CNTNAP2: variants seen among roughly 807,000 people sequenced by gnomAD.
The protein encoded by CNTNAP2 is contactin associated protein 2, also known as contactin-associated protein-like 2.
Under a neutral mutation model 155.2 loss-of-function variants are expected in CNTNAP2, and 98 were observed. The ratio of observed to expected loss-of-function variants is 0.63; its 90% CI spans 0.54 to 0.75. The LOEUF (loss-of-function observed/expected upper bound fraction) is 0.75, where lower values mean the gene tolerates loss of function less well. Ranked by LOEUF, CNTNAP2 falls within the 30% of genes least tolerant of loss-of-function variation. CNTNAP2 has a pLI of 0.00. For synonymous variants in CNTNAP2, 651 were observed against 631.2 expected, an observed-to-expected ratio of 1.03 and a Z score of -0.47; for missense variants, 1,727 against 1,688.1, an observed-to-expected ratio of 1.02 and a Z score of -0.40.
chr7:147,872,709 A>T (rs530526961), intron 13 of CNTNAP2, among the ~76,000 whole-genome samples: 1 of 152,318 alleles, frequency 6.6e-6, no homozygotes, highest in Non-Finnish European at 1.5e-5. Context: ...TAGAAAAAAA[A>T]CCTTTATCCA....
intron 14 of CNTNAP2, among the ~76,000 whole-genome samples, chr7:147,951,600 A>G (rs1300856369): frequency 6.6e-6 from 1 of 152,224 alleles, no homozygotes; most frequent in Non-Finnish European, 1.5e-5. Flanking sequence ...AAGAATTCTA[A>G]TAGAAAGTGT....
chr7:147,181,526 C>T (rs1802455030), intron 8 of CNTNAP2, among the ~76,000 whole-genome samples: 1 of 152,036 alleles, frequency 6.6e-6, no homozygotes, highest in Non-Finnish European at 1.5e-5. Context: ...ACTTTCATAA[C>T]CTATCACTGA....
chr7:146,750,864 T>G (rs2129182478), intron 1 of CNTNAP2, among the ~76,000 whole-genome samples: 1 of 152,242 alleles, frequency 6.6e-6, no homozygotes, highest in East Asian at 1.9e-4. Flanking sequence ...AAAAGTTAAG[T>G]GTTTATGTAG....
At chr7:146,483,290 T>A (rs867827417) in intron 1 of CNTNAP2, among the ~76,000 whole-genome samples, 874 of 51,390 alleles carry the variant, frequency 0.017, 34 homozygotes, top group African/African-American at 0.067. Flanking sequence ...AAAATATATA[T>A]ATATATATAT....
intron 14 of CNTNAP2, among the ~76,000 whole-genome samples, chr7:147,918,845 A>T (rs1800209076): frequency 6.6e-6 from 1 of 152,178 alleles, no homozygotes; most frequent in African/African-American, 2.4e-5. Context: ...TATTAGGCAG[A>T]ATAATGGCCC....
intron 16 of CNTNAP2, among the ~76,000 whole-genome samples, chr7:148,126,004 G>A (rs1804710326): frequency 6.6e-6 from 1 of 152,018 alleles, no homozygotes; most frequent in Admixed American, 6.6e-5. Flanking sequence ...CCTACAGCCA[G>A]CCTATAAAAT....
chr7:146,292,946 G>C lies in CNTNAP2; in HGVS notation c.97+175973G>C, dbSNP rs188958381. ...ACACAAGAGAAATACATTATTCTTT[G>C]GGATATATTGTAAAGCATGGTGAAT... On this transcript the variant is annotated intron_variant, in intron 1 of 23. Transcript: ENST00000361727. 9.9e-5 allele frequency among the ~76,000 whole-genome samples: 15 copies of C among 152,064 alleles called. 1 individual carries two copies. The highest frequency in any genetic ancestry group is 3.6e-4 in the African/African-American group (15 of 41,486).
intron 10 of CNTNAP2, among the ~76,000 whole-genome samples, chr7:147,440,383 T>G (rs187532197): frequency 5.5e-4 from 84 of 152,206 alleles, no homozygotes; most frequent in African/African-American, 1.9e-3. Context: ...CGTCCCCTGG[T>G]TTTTAACTAT....
At chr7:147,705,421 AT>A (rs1265427418) in intron 13 of CNTNAP2, among the ~76,000 whole-genome samples, 1 of 152,150 alleles carries the variant, frequency 6.6e-6, no homozygotes, top group Non-Finnish European at 1.5e-5. Flanking sequence ...GATACTTGAT[AT>A]AATTTTGATT....
At chr7:147,573,240 CA>C (rs1800327746) in intron 12 of CNTNAP2, among the ~76,000 whole-genome samples, 1 of 152,016 alleles carries the variant, frequency 6.6e-6, no homozygotes, top group African/African-American at 2.4e-5. Context: ...ATGAAGTTGT[CA>C]AAAAATCTGT....
chr7:146,556,601 C>T (rs190349514), intron 1 of CNTNAP2, among the ~76,000 whole-genome samples: 1 of 152,192 alleles, frequency 6.6e-6, no homozygotes, highest in Admixed American at 6.5e-5. Flanking sequence ...AATACTAGGA[C>T]AGTTAAGAAG....
intron 3 of CNTNAP2, among the ~76,000 whole-genome samples, chr7:146,933,876 C>G (rs576051671): frequency 0.01 from 1,531 of 151,960 alleles, 15 homozygotes; most frequent in Non-Finnish European, 0.014. Flanking sequence ...AAATGCAAAT[C>G]AAAACCACAA....
intron 8 of CNTNAP2, among the ~76,000 whole-genome samples, chr7:147,222,208 T>C (rs931125782): frequency 6.6e-5 from 10 of 152,164 alleles, no homozygotes; most frequent in African/African-American, 2.4e-4. Context: ...TTCTCTTTCT[T>C]GTATTCCTAT....
chr7:147,686,773 C>G (rs1000427808), intron 13 of CNTNAP2, among the ~76,000 whole-genome samples: 4 of 151,114 alleles, frequency 2.6e-5, no homozygotes, highest in Admixed American at 1.3e-4. Flanking sequence ...TTGAAAGACA[C>G]CAAGAGGAGA....
Position 147,589,857 on chromosome 7 carries a change from G to C in CNTNAP2, c.1897+27600G>C, listed in dbSNP as rs76867004. On this transcript the variant is annotated intron_variant, in intron 12 of 23. Transcript: ENST00000361727. The stretch of plus-strand genomic sequence containing the variant: ...TACAGTTATTCAGTTTCAGAAATTA[G>C]TGACAAACTATGTCCCAAAGGGGTG... 5.9e-5 allele frequency among the ~76,000 whole-genome samples: 9 copies of C among 152,220 alleles called. No individual in the cohort carries two copies. The East Asian group carries it at 1.5e-3, about 26-fold the overall frequency.
At chr7:146,990,763 G>C (rs1206154022) in intron 3 of CNTNAP2, among the ~76,000 whole-genome samples, 1 of 151,996 alleles carries the variant, frequency 6.6e-6, no homozygotes, top group Admixed American at 6.6e-5. Context: ...TGTGTATGTT[G>C]CTGGGGATAA....
chr7:147,376,554 G>C (rs957307062), intron 9 of CNTNAP2, among the ~76,000 whole-genome samples: 1 of 151,746 alleles, frequency 6.6e-6, no homozygotes, highest in Non-Finnish European at 1.5e-5. Context: ...CTCTCAGAGC[G>C]CCTTTTTCCT....
chr7:147,347,247 G>C lies in CNTNAP2; in HGVS notation c.1498+46957G>C, dbSNP rs534429051. Among the ~76,000 whole-genome samples, 3 of 151,924 alleles carry C rather than the reference G, an allele frequency of 2.0e-5. No individual in the cohort carries two copies. In the East Asian group the frequency reaches 5.8e-4, roughly 30 times the overall value. On this transcript the variant is annotated intron_variant, in intron 9 of 23. Transcript: ENST00000361727. ...TGATGGTGAGTGAATGAGGAGGGTAGTTGTAGGTCAATCTTGGTCAGTGGA... is the reference window on the plus strand; with the variant it reads ...TGATGGTGAGTGAATGAGGAGGGTACTTGTAGGTCAATCTTGGTCAGTGGA...
At chr7:146,760,528 C>G (rs1002271359) in intron 1 of CNTNAP2, among the ~76,000 whole-genome samples, 2 of 145,108 alleles carry the variant, frequency 1.4e-5, no homozygotes, top group African/African-American at 5.0e-5. Context: ...GGGTTCAAGC[C>G]ATCCTCCCAC....
Sources: allele counts gnomAD v4.1 joint callset (sites outside exome capture counted in the v4.1 genomes callset), GRCh38; gene constraint gnomAD v4.1.1; transcripts MANE v1.5; gene names NCBI Gene and HGNC (gene_info 2026-07-23, HGNC 2026-07-21).